The following ZNF155 variants were observed in gnomAD, a reference collection of about 807,000 sequenced individuals.
The protein encoded by ZNF155 is zinc finger protein 155.
In ZNF155, 15 loss-of-function variants were observed where a neutral mutation model predicts 11.9. That is an observed-to-expected ratio of 1.26 (90% CI 0.84 to 1.94). The LOEUF is 1.94. Ranked by LOEUF, ZNF155 falls within the 30% of genes most tolerant of loss-of-function variation. The pLI, the probability that ZNF155 is intolerant of heterozygous loss-of-function variation, is 0.00. For synonymous variants in ZNF155, 212 were observed against 219.9 expected (o/e 0.96, Z 0.32); for missense variants, 602 against 639.1 (o/e 0.94, Z 0.63).
chr19:43,988,335 C>T (rs391267), intron 1 of ZNF155, 124 bp from the exon 2 acceptor site: 145,664 of 418,856 alleles, frequency 0.35, 27,668 homozygotes, highest in African/African-American at 0.53. Flanking sequence ...GATACACCAC[C>T]ATTTGCCTAT....
Position 43,996,873 on chromosome 19 carries a change from C to T in ZNF155, c.1016C>T (p.Thr339Ile), listed in dbSNP as rs754176347. 12 of 1,614,038 alleles carry T rather than the reference C, an allele frequency of 7.4e-6. No homozygotes were observed. Among genetic ancestry groups the T allele is most frequent in the Middle Eastern group, 3.3e-4 (2 of 6,084 alleles). ...CTTAATAGGCATTGCATGGTCCACA[C>T]AGGAGAGAAACCGTACAGATGTGAG... ...SALNRHCMVHTGEKPYRCEQC... is the reference protein window; with the variant it reads ...SALNRHCMVHIGEKPYRCEQC... The change falls in exon 5 of 5, where the codon ACA becomes ATA. Residue 339 changes from threonine to isoleucine, a missense_variant. Thr to Ile is a moderately conservative substitution (Grantham distance 89, BLOSUM62 -1). Coordinates refer to ENST00000270014, the MANE Select transcript of ZNF155 (RefSeq NM_198089.3).
In ZNF155 at chr19:43,991,935, G is replaced by A. The variant is rs1975681849; in HGVS notation, c.235+1G>A. ...GCAACCCAAAGAGAAGGGAATTCAG[G>A]TAAGAACTAAGCATCTGTGTGTCCT... On this transcript the variant is annotated splice_donor_variant, in intron 4 of 4. Transcript: ENST00000270014. LOFTEE classifies it high-confidence loss of function. 6.2e-7 allele frequency: 1 copy of A among 1,612,578 alleles called. No individual in the cohort carries two copies. Among genetic ancestry groups the A allele is most frequent in the East Asian group, 2.2e-5 (1 of 44,870 alleles).
chr19:43,988,890 A>G (rs913134819), intron 2 of ZNF155: 39 of 220,632 alleles, frequency 1.8e-4, no homozygotes, highest in African/African-American at 8.2e-4. Context: ...TATTGATGAT[A>G]TACATCTAAT....
At position 43,997,472 on chromosome 19, in the gene ZNF155, T is replaced by A. The variant is rs764774722; in HGVS notation, c.1615T>A (p.Ter539LysextTer12). The change falls in exon 5 of 5, where the codon TAA becomes AAA. Residue 539 changes from the stop codon to lysine (K), a stop_lost. Coordinates refer to ENST00000270014, the MANE Select transcript of ZNF155 (RefSeq NM_198089.3). ...ILLSLFLNDT[*>K] ...TTTATCATTATTTCTAAATGACACA[T>A]AATTGTTCATATTTATGGGGTACAA... The A allele has an allele frequency of 1.9e-6, 3 of 1,590,944 alleles. No homozygotes were observed. The highest frequency in any genetic ancestry group is 1.4e-5 in the African/African-American group (1 of 73,452).
rs199749135 is a variant in ZNF155 at position 43,997,332 on chromosome 19, G to A, written c.1475G>A (p.Arg492Lys). Residue 492 changes from arginine (R) to lysine (K), a missense_variant, in exon 5 of 5, where the codon AGG (arginine) becomes AAG (lysine). Coordinates refer to ENST00000270014, the MANE Select transcript of ZNF155 (RefSeq NM_198089.3). ...KPFKCEDCGK[R>K]LVHRTYRKDQ... ...TTCAAATGTGAGGACTGTGGAAAGA[G>A]GCTTGTACACAGGACATACCGTAAA... 1 of 1,613,852 alleles carries A rather than the reference G, an allele frequency of 6.2e-7. No homozygotes were observed. The highest frequency in any genetic ancestry group is 1.1e-5 in the South Asian group (1 of 91,046).
chr19:43,997,959 G>A lies in ZNF155; in HGVS notation c.*485G>A, dbSNP rs906249412. 5.2e-5 allele frequency: 8 copies of A among 153,906 alleles called. No individual in the cohort carries two copies. The highest frequency in any genetic ancestry group is 8.7e-5 in the Non-Finnish European group (6 of 69,346). 9.5% of individuals were successfully genotyped at this position (153,906 alleles called of 1,614,324 possible). ...ACACAGTGGGCTTCAGTAGGTTCAG[G>A]TTGGCACTTTCTTTTGTGGAAAAGG... On this transcript the variant is annotated 3_prime_UTR_variant, in exon 5 of 5. Transcript: ENST00000270014.
chr19:43,991,541 GT>G lies in ZNF155; in HGVS notation c.16-5del. The G allele has an allele frequency of 5.6e-6, 9 of 1,614,070 alleles. No individual in the cohort carries two copies. Among genetic ancestry groups the G allele is most frequent in the Non-Finnish European group, 7.6e-6 (9 of 1,179,988 alleles). On this transcript the variant is annotated splice_region_variant and splice_polypyrimidine_tract_variant and intron_variant, in intron 2 of 4. Coordinates refer to ENST00000270014, the MANE Select transcript of ZNF155 (RefSeq NM_198089.3). ...AAGATTGAAGTTATGTCTTCTTGAT[GT>G]TGTAGGAGGCAGTGACCTTCAAGGA...
chr19:43,992,593 C>T (rs575237228), intron 4 of ZNF155, among the ~76,000 whole-genome samples: 1 of 152,208 alleles, frequency 6.6e-6, no homozygotes, highest in African/African-American at 2.4e-5. Context: ...CATCTCTGAC[C>T]ATTCTTCCAT....
intron 1 of ZNF155, among the ~76,000 whole-genome samples, chr19:43,985,932 G>C (rs1322481839): frequency 6.6e-6 from 1 of 152,182 alleles, no homozygotes; most frequent in Non-Finnish European, 1.5e-5. Flanking sequence ...AGGCAGTTTG[G>C]GTCAGAGCCT....
intron 3 of ZNF155, 81 bp downstream of exon 3, chr19:43,991,755 C>T (rs1975674071): frequency 6.2e-7 from 1 of 1,605,990 alleles, no homozygotes; most frequent in African/African-American, 1.3e-5. Context: ...TTTGAGTGTG[C>T]ATTGGGAACC....
In ZNF155 at chr19:43,997,038, A is replaced by T. The variant is rs148044248; in HGVS notation, c.1181A>T (p.His394Leu). The change falls in exon 5 of 5, where the codon CAC becomes CTC. Residue 394 changes from histidine (H) to leucine (L), a missense_variant. His to Leu is a moderately conservative substitution (Grantham distance 99). Transcript: ENST00000270014. ...TGCCTTTTGAACCATCAGCGAGTCC[A>T]CAGTGGAGAAAAAAGCTTCAAATGT... is the stretch of plus-strand genomic sequence containing the variant. ...SSCLLNHQRV[H>L]SGEKSFKCEE... 1.5e-5 allele frequency: 25 copies of T among 1,613,804 alleles called. No homozygotes were observed. In the African/African-American group the frequency reaches 3.3e-4, roughly 22 times the overall value.
Position 43,996,322 on chromosome 19 carries a change from G to A in ZNF155, c.465G>A (p.Gln155=). The A allele has an allele frequency of 6.2e-7, 1 of 1,614,188 alleles. No individual in the cohort carries two copies. Among genetic ancestry groups the A allele is most frequent in the South Asian group, 1.1e-5 (1 of 91,086 alleles). ...CTTCCCAGGGTGGGAAGTGTAAACA[G>A]TCCATCAGTGATGTTCCCATCTTTG... is the stretch of plus-strand genomic sequence containing the variant. ...QKPSQGGKCK[Q]SISDVPIFDL... is the part of the protein sequence containing the mutation. The change falls in exon 5 of 5, where the codon CAG becomes CAA. Residue 155 remains glutamine, a synonymous_variant. Coordinates refer to ENST00000270014, the MANE Select transcript of ZNF155 (RefSeq NM_198089.3).
At position 43,996,226 on chromosome 19, in the gene ZNF155, G is replaced by C; in HGVS notation, c.369G>C (p.Gln123His). The change falls in exon 5 of 5, where the codon CAG (glutamine) becomes CAC (histidine). Residue 123 changes from glutamine (Q) to histidine (H), a missense_variant. Gln to His is a conservative substitution (Grantham distance 24, BLOSUM62 0). Coordinates refer to ENST00000270014, the MANE Select transcript of ZNF155 (RefSeq NM_198089.3). ...AGGACTCTATCATAAATAACTCTCA[G>C]TTCTTTGAAAATGGTGATGTCCCCT... is the stretch of plus-strand genomic sequence containing the variant. ...RSQDSIINNS[Q>H]FFENGDVPSQ... 1 of 1,614,150 alleles carries C rather than the reference G, an allele frequency of 6.2e-7. No individual in the cohort carries two copies. The highest frequency in any genetic ancestry group is 8.5e-7 in the Non-Finnish European group (1 of 1,180,012).
At chr19:43,996,005 G>C in intron 4 of ZNF155, 88 bp from the exon 5 acceptor site, 1 of 1,460,436 alleles carries the variant, frequency 6.8e-7, no homozygotes, top group Non-Finnish European at 9.2e-7. Context: ...ATTCATTAAA[G>C]TTTAATGTCA....
chr19:43,988,090 C>T (rs187231453), intron 1 of ZNF155, among the ~76,000 whole-genome samples: 39 of 152,268 alleles, frequency 2.6e-4, no homozygotes, highest in Non-Finnish European at 7.4e-5. Context: ...AGTTTGAGAC[C>T]AGCTTGGACA....
chr19:43,997,499 G>A lies in ZNF155; in HGVS notation c.*25G>A, dbSNP rs376872043. The A allele has an allele frequency of 7.0e-5, 109 of 1,546,318 alleles. No individual in the cohort carries two copies. The highest frequency in any genetic ancestry group is 5.5e-4 in the Middle Eastern group (3 of 5,466). On this transcript the variant is annotated 3_prime_UTR_variant, in exon 5 of 5. Coordinates refer to ENST00000270014, the MANE Select transcript of ZNF155 (RefSeq NM_198089.3). ...ATTGTTCATATTTATGGGGTACAAC[G>A]TGCTATTTTAATGTGTGCATACAAT...
chr19:43,997,244 A>C lies in ZNF155; in HGVS notation c.1387A>C (p.Lys463Gln), dbSNP rs768701338. 6.2e-7 allele frequency: 1 copy of C among 1,614,172 alleles called. No individual in the cohort carries two copies. The highest frequency in any genetic ancestry group is 1.1e-5 in the South Asian group (1 of 91,082). Residue 463 changes from lysine to glutamine, a missense_variant, in exon 5 of 5, where the codon AAG (lysine) becomes CAG (glutamine). Coordinates refer to ENST00000270014, the MANE Select transcript of ZNF155 (RefSeq NM_198089.3). ...ERPYNCKECG[K>Q]NFSRASSILN... is the part of the protein sequence containing the mutation. ...ACCTTATAATTGTAAGGAATGTGGG[A>C]AGAACTTTAGCCGGGCCTCAAGTAT...
At chr19:43,988,748 A>G in intron 2 of ZNF155, 190 bp downstream of exon 2, 1 of 483,644 alleles carries the variant, frequency 2.1e-6, no homozygotes, top group Non-Finnish European at 3.5e-6. Context: ...TTGTTTTGTT[A>G]CCATTATTTA....
intron 4 of ZNF155, among the ~76,000 whole-genome samples, chr19:43,993,415 T>C (rs8104126): frequency 0.055 from 8,404 of 152,208 alleles, 524 homozygotes; most frequent in East Asian, 0.14. Flanking sequence ...AGATTTCTTA[T>C]TAATTTAATT....
Sources: gnomAD v4.1 joint callset for allele counts (sites outside exome capture counted in the v4.1 genomes callset) on GRCh38, gnomAD v4.1.1 for gene constraint, MANE v1.5 for transcripts, NCBI Gene and HGNC (gene_info 2026-07-23, HGNC 2026-07-21) for gene names.